Variants in SUPT20H observed in about 807,000 individuals in gnomAD.
The protein encoded by SUPT20H is transcription factor SPT20 homolog.
A neutral mutation model predicts 122.8 loss-of-function variants in SUPT20H; 82 were observed. The ratio of observed to expected loss-of-function variants is 0.67; its 90% CI spans 0.56 to 0.80. SUPT20H has a LOEUF of 0.80. SUPT20H is among the 30% of genes least tolerant of loss of function. The pLI, the probability that SUPT20H is intolerant of heterozygous loss-of-function variation, is 0.00. For synonymous variants in SUPT20H, 291 were observed against 313.0 expected (o/e 0.93, Z 0.74); for missense variants, 831 against 921.6 (o/e 0.90, Z 1.27).
intron 9 of SUPT20H, among the ~76,000 whole-genome samples, chr13:37,034,921 T>G (rs997339344): frequency 1.3e-5 from 2 of 152,194 alleles, no homozygotes; most frequent in Admixed American, 1.3e-4. Context: ...CAACAAAGCC[T>G]GGATGACAGC....
chr13:37,024,495 C>T (rs879521107), intron 17 of SUPT20H, 53 bp from the exon 18 acceptor site: 8 of 1,142,124 alleles, frequency 7.0e-6, no homozygotes, highest in Non-Finnish European at 9.5e-6. Flanking sequence ...TGCTATAAAC[C>T]CCAGATGATA....
chr13:37,019,301 A>G, intron 22 of SUPT20H, 41 bp downstream of exon 22: 2 of 1,496,962 alleles, frequency 1.3e-6, no homozygotes, highest in Non-Finnish European at 1.8e-6. Flanking sequence ...AAAAAAGTCA[A>G]TGTACAAAAA....
chr13:37,032,109 G>C (rs1016218216), intron 10 of SUPT20H, among the ~76,000 whole-genome samples: 16 of 152,224 alleles, frequency 1.1e-4, no homozygotes, highest in Middle Eastern at 3.4e-3. Flanking sequence ...TCCAGAGGGG[G>C]AGGAGACATT....
intron 23 of SUPT20H, chr13:37,013,476 T>C (rs1288083058): frequency 6.6e-6 from 1 of 151,554 alleles, no homozygotes; most frequent in Non-Finnish European, 1.5e-5. Flanking sequence ...GCACATCTTG[T>C]ACAAAAATTA....
chr13:37,057,998 G>C (rs1291164907), intron 1 of SUPT20H, among the ~76,000 whole-genome samples: 1 of 148,780 alleles, frequency 6.7e-6, no homozygotes. Flanking sequence ...AAAAAAGTTG[G>C]CTGGGGCGGT....
intron 5 of SUPT20H, among the ~76,000 whole-genome samples, chr13:37,046,352 A>G (rs2066422869): frequency 6.6e-6 from 1 of 152,166 alleles, no homozygotes; most frequent in African/African-American, 2.4e-5. Context: ...TTTTTACAGT[A>G]TGTGTACCTC....
Position 37,010,655 on chromosome 13 carries a change from A to G in SUPT20H, c.2099T>C (p.Val700Ala), listed in dbSNP as rs1322847477. The G allele has an allele frequency of 1.9e-6, 3 of 1,613,106 alleles. No homozygotes were observed. The highest frequency in any genetic ancestry group is 1.3e-5 in the African/African-American group (1 of 74,910). ...CTCGGCAGAGCCAAGCTGAGACAAC[A>G]CTACAGAGAGGAGAAGGGGAAAGCA... ...VGSFMQSQAAVLSQLGSAENR... is the reference protein window; with the variant it reads ...VGSFMQSQAAALSQLGSAENR... Residue 700 changes from valine to alanine, a missense_variant and splice_region_variant, in exon 25 of 26, where the codon GTG becomes GCG. Transcript: ENST00000350612.
At chr13:37,055,445 C>G (rs1162082441) in intron 1 of SUPT20H, among the ~76,000 whole-genome samples, 1 of 152,022 alleles carries the variant, frequency 6.6e-6, no homozygotes, top group Non-Finnish European at 1.5e-5. Flanking sequence ...CAGAACAGAG[C>G]CCTCAGAAAT....
At chr13:37,028,077 C>CCT (rs1457604207) in intron 14 of SUPT20H, 71 bp downstream of exon 14, 2 of 1,377,230 alleles carry the variant, frequency 1.5e-6, no homozygotes, top group Admixed American at 5.5e-5. Context: ...AATGGTTCAT[C>CCT]AGTAGTTACT....
In SUPT20H at chr13:37,045,238, G is replaced by A. The variant is rs376071608; in HGVS notation, c.292+9C>T. On this transcript the variant is annotated intron_variant, in intron 6 of 25. Coordinates refer to ENST00000350612, the MANE Select transcript of SUPT20H (RefSeq NM_001014286.3). Reference sequence around the variant, plus strand: ...TATTTTGTGGCAGCTGTGCTCTAGAGGGTCTTACCTGATCCGTTTTTTCCC... The same window carrying A: ...TATTTTGTGGCAGCTGTGCTCTAGAAGGTCTTACCTGATCCGTTTTTTCCC... The A allele has an allele frequency of 1.2e-5, 19 of 1,612,700 alleles. No individual in the cohort carries two copies. The East Asian group carries it at 2.9e-4, about 25-fold the overall frequency.
rs1359728350 is a variant in SUPT20H at position 37,022,407 on chromosome 13, CA to C, written c.1592-328del. The C allele has an allele frequency of 2.4e-5, 31 of 1,286,236 alleles. No homozygotes were observed. The East Asian group carries it at 9.1e-4, about 38-fold the overall frequency. 79.7% of individuals were successfully genotyped at this position (1,286,236 alleles called of 1,614,324 possible). A position where few individuals can be genotyped will look rare whatever the true frequency, so the allele number is the denominator to read the frequency against. Reference sequence around the variant, plus strand: ...TTAATGGAATCTTACTTAGCACTGACAATTTGTTCTAGTTTTTTTTTTTTTA... The same window carrying C: ...TTAATGGAATCTTACTTAGCACTGACATTTGTTCTAGTTTTTTTTTTTTTA... On this transcript the variant is annotated intron_variant, in intron 19 of 25. Transcript: ENST00000350612. This position sits in a 1 kb window ranked among gnomAD's most constrained non-coding sequence, Gnocchi z 4.5.
chr13:37,024,119 T>C lies in SUPT20H; in HGVS notation c.1507A>G (p.Ser503Gly), dbSNP rs201078985. The C allele has an allele frequency of 1.1e-5, 17 of 1,613,918 alleles. No homozygotes were observed. The highest frequency in any genetic ancestry group is 6.7e-5 in the East Asian group (3 of 44,852). ...PTPPPSSKPS[S>G]IPRKSSVDLN... ...TCCACAGATGATTTCCGAGGAATAC[T>C]TGATGGCTTAGAAGAAGGAGGAGGA... is the stretch of plus-strand genomic sequence containing the variant. The change falls in exon 19 of 26, where the codon AGT becomes GGT. Residue 503 changes from serine (S) to glycine (G), a missense_variant. Ser to Gly is a moderately conservative substitution (Grantham distance 56). Transcript: ENST00000350612.
chr13:37,040,376 GT>G (rs1157672120), intron 9 of SUPT20H, 28 bp downstream of exon 9: 1 of 1,539,862 alleles, frequency 6.5e-7, no homozygotes, highest in Non-Finnish European at 8.7e-7. Context: ...TATTTTGCCT[GT>G]TTGAGATTAA....
chr13:37,015,829 A>G (rs2060375872), intron 23 of SUPT20H, among the ~76,000 whole-genome samples: 1 of 152,212 alleles, frequency 6.6e-6, no homozygotes, highest in Admixed American at 6.5e-5. Context: ...ATATACAAGT[A>G]TTATTCACCA....
At chr13:37,023,730 A>AT (rs1468306557) in intron 19 of SUPT20H, 4 of 206,122 alleles carry the variant, frequency 1.9e-5, no homozygotes, top group African/African-American at 4.6e-5. Context: ...AATAAAAAAT[A>AT]TTTTGAAATC....
intron 2 of SUPT20H, among the ~76,000 whole-genome samples, chr13:37,050,430 C>T (rs2067434543): frequency 6.6e-6 from 1 of 151,108 alleles, no homozygotes; most frequent in African/African-American, 2.4e-5. Context: ...AGATTCCTGA[C>T]TCCCATTTTC....
chr13:37,019,937 T>TA (rs1183873975), intron 21 of SUPT20H, among the ~76,000 whole-genome samples: 1 of 152,152 alleles, frequency 6.6e-6, no homozygotes, highest in Non-Finnish European at 1.5e-5. Context: ...AACTTATTCC[T>TA]AAAAAATCTG....
intron 1 of SUPT20H, chr13:37,057,003 T>C (rs1365746580): frequency 6.6e-6 from 1 of 152,078 alleles, no homozygotes; most frequent in African/African-American, 2.4e-5. Context: ...TGCGTAACAT[T>C]TGCTCTGAGA....
intron 1 of SUPT20H, chr13:37,056,765 TAAAAAGAAAAAAAA>T (rs2069151306): frequency 6.9e-6 from 1 of 145,678 alleles, no homozygotes; most frequent in Non-Finnish European, 1.5e-5. Context: ...TAAAGTATAA[TAAAAAGAAAAAAAA>T]AAAAAGAAAA....
Sources: allele counts gnomAD v4.1 joint callset (sites outside exome capture counted in the v4.1 genomes callset), GRCh38; gene constraint gnomAD v4.1.1; non-coding constraint Gnocchi (gnomAD v3.1); transcripts MANE v1.5; gene names NCBI Gene and HGNC (gene_info 2026-07-23, HGNC 2026-07-21).